Variants in FAR1 observed in about 807,000 individuals in gnomAD.
FAR1 encodes the protein male sterility domain-containing protein 2.
In FAR1, 22 loss-of-function variants were observed where a neutral mutation model predicts 61.1. The observed-to-expected ratio is 0.36, with a 90% confidence interval of 0.26 to 0.51. The LOEUF (loss-of-function observed/expected upper bound fraction) is 0.51, where lower values mean the gene tolerates loss of function less well. FAR1 is among the 20% of genes least tolerant of loss of function. The probability of loss-of-function intolerance (pLI) is 0.95; values close to 1 mark genes in which losing one functional copy is unlikely to be tolerated. For missense variants in FAR1, 359 were observed against 626.9 expected, an observed-to-expected ratio of 0.57 and a Z score of 4.56; for synonymous variants, 206 against 209.7, an observed-to-expected ratio of 0.98 and a Z score of 0.15.
chr11:13,723,256 T>C (rs562096095), intron 10 of FAR1: 85 of 313,800 alleles, frequency 2.7e-4, no homozygotes, highest in African/African-American at 1.8e-3. Context: ...TCCTAGCTAC[T>C]CAGGAGGCTG....
chr11:13,715,095 G>GT (rs1848540938), intron 9 of FAR1, among the ~76,000 whole-genome samples: 1 of 152,134 alleles, frequency 6.6e-6, no homozygotes, highest in Non-Finnish European at 1.5e-5. Flanking sequence ...CAGCCATAGA[G>GT]TATCTGCATT....
At chr11:13,671,529 T>C (rs1251647898) in intron 1 of FAR1, among the ~76,000 whole-genome samples, 2 of 152,180 alleles carry the variant, frequency 1.3e-5, no homozygotes, top group Non-Finnish European at 2.9e-5. Context: ...AGTAAGGTTA[T>C]TGAGAGGTAG....
intron 3 of FAR1, among the ~76,000 whole-genome samples, chr11:13,702,508 CTATT>C (rs1254424690): frequency 2.6e-5 from 4 of 152,038 alleles, no homozygotes; most frequent in Non-Finnish European, 4.4e-5. Flanking sequence ...ATAGGTCTAA[CTATT>C]TGTTTTTAAC....
rs1212370977 is a variant in FAR1, at chr11:13,700,187, G to A, written c.190-130G>A. The A allele has an allele frequency of 4.2e-5, 27 of 643,296 alleles. No individual in the cohort carries two copies. In the East Asian group the frequency reaches 8.4e-4, roughly 20 times the overall value. 39.8% of individuals were successfully genotyped at this position (643,296 alleles called of 1,614,324 possible). ...TACAGAATAATGGCAATTAAGAATA[G>A]CAACTTTAGGAATTGTATAGTTTAA... On this transcript the variant is annotated intron_variant, in intron 2 of 11. Coordinates refer to ENST00000354817, the MANE Select transcript of FAR1 (RefSeq NM_032228.6).
At chr11:13,722,538 A>G (rs1409258236) in intron 10 of FAR1, among the ~76,000 whole-genome samples, 2 of 152,100 alleles carry the variant, frequency 1.3e-5, no homozygotes, top group East Asian at 1.9e-4. Flanking sequence ...CAATGGCACA[A>G]TCTTGGCTCA....
chr11:13,713,129 C>T (rs1457655766), intron 8 of FAR1, 96 bp downstream of exon 8: 3 of 1,009,752 alleles, frequency 3.0e-6, no homozygotes, highest in Non-Finnish European at 4.7e-6. Flanking sequence ...GGCATTAAGG[C>T]CACTGAGTTA....
At chr11:13,710,967 A>G (rs1848492223) in intron 5 of FAR1, 97 bp downstream of exon 5, 1 of 1,072,392 alleles carries the variant, frequency 9.3e-7, no homozygotes, top group Non-Finnish European at 1.3e-6. Flanking sequence ...AACAGGTATT[A>G]TTTACTAAAG....
rs567577679 is a variant in FAR1, at chr11:13,674,329, A to G, written c.-8+5523A>G. On this transcript the variant is annotated intron_variant, in intron 1 of 11. Coordinates refer to ENST00000354817, the MANE Select transcript of FAR1 (RefSeq NM_032228.6). ...GTCTCAAAAAAAAAAAAAAAAGAAAAAAAGAAAATTCAAATTGAACTGTGA... is the reference window on the plus strand; with the variant it reads ...GTCTCAAAAAAAAAAAAAAAAGAAAGAAAGAAAATTCAAATTGAACTGTGA... 3.9e-5 allele frequency among the ~76,000 whole-genome samples: 6 copies of G among 152,162 alleles called. No homozygotes were observed. The East Asian group carries it at 1.2e-3, about 29-fold the overall frequency.
At position 13,721,659 on chromosome 11, in the gene FAR1, A is replaced by T; in HGVS notation, c.1128-71A>T. 1 of 1,333,978 alleles carries T rather than the reference A, an allele frequency of 7.5e-7. No individual in the cohort carries two copies. The highest frequency in any genetic ancestry group is 1.0e-6 in the Non-Finnish European group (1 of 959,074). The allele number at this position is 1,333,978 out of a possible 1,614,324, so 82.6% of individuals were successfully genotyped here. A position where few individuals can be genotyped will look rare whatever the true frequency, so the allele number is the denominator to read the frequency against. ...GTCTATATTATAGGGGGAAACTTGC[A>T]CCCTGGGTGGTGATAGGATTTTTCC... On this transcript the variant is annotated intron_variant, in intron 9 of 11. Coordinates refer to ENST00000354817, the MANE Select transcript of FAR1 (RefSeq NM_032228.6). This position sits in a 1 kb window ranked among gnomAD's most constrained non-coding sequence, Gnocchi z 4.2.
At chr11:13,716,300 T>TA (rs1242314009) in intron 9 of FAR1, among the ~76,000 whole-genome samples, 2 of 152,228 alleles carry the variant, frequency 1.3e-5, no homozygotes. Context: ...GCTGGTTTAC[T>TA]AAATGCTTCA....
At chr11:13,726,669 T>A (rs987122826) in intron 10 of FAR1, among the ~76,000 whole-genome samples, 2 of 151,662 alleles carry the variant, frequency 1.3e-5, no homozygotes, top group Non-Finnish European at 2.9e-5. Context: ...ATTGGTGACT[T>A]GGTTTCTTAT....
At position 13,728,929 on chromosome 11, in the gene FAR1, T is replaced by C; in HGVS notation, c.*155T>C. 1 of 671,246 alleles carries C rather than the reference T, an allele frequency of 1.5e-6. No individual in the cohort carries two copies. Among genetic ancestry groups the C allele is most frequent in the Non-Finnish European group, 2.4e-6 (1 of 414,230 alleles). 41.6% of individuals were successfully genotyped at this position (671,246 alleles called of 1,614,324 possible). A position where few individuals can be genotyped will look rare whatever the true frequency, so the allele number is the denominator to read the frequency against. On this transcript the variant is annotated 3_prime_UTR_variant, in exon 12 of 12. Coordinates refer to ENST00000354817, the MANE Select transcript of FAR1 (RefSeq NM_032228.6). Reference sequence around the variant, plus strand: ...TGGTATATTTTATGTAACATTTTAATGTTTATGCTCATAAAACTTAGTGAA... The same window carrying C: ...TGGTATATTTTATGTAACATTTTAACGTTTATGCTCATAAAACTTAGTGAA...
intron 10 of FAR1, among the ~76,000 whole-genome samples, chr11:13,722,222 T>A (rs1848617322): frequency 6.6e-6 from 1 of 152,162 alleles, no homozygotes. Flanking sequence ...TTTTATAAAC[T>A]CTTTTACTTT....
intron 1 of FAR1, among the ~76,000 whole-genome samples, chr11:13,679,146 A>G (rs1399240032): frequency 1.3e-5 from 2 of 152,194 alleles, no homozygotes; most frequent in African/African-American, 4.8e-5. Flanking sequence ...ATTCTGTTAT[A>G]AAAGTTTGAA....
At chr11:13,668,848 C>G (rs1180053070) in intron 1 of FAR1, 42 bp downstream of exon 1, 1 of 153,140 alleles carries the variant, frequency 6.5e-6, no homozygotes, top group Non-Finnish European at 1.5e-5. Context: ...GGGCTGCGGG[C>G]TCCTCCTCGC....
At position 13,708,453 on chromosome 11, in the gene FAR1, A is replaced by G. The variant is rs531287182; in HGVS notation, c.545+374A>G. Among the ~76,000 whole-genome samples, 1,273 of 143,590 alleles carry G rather than the reference A, an allele frequency of 8.9e-3. 8 individuals carry two copies. The highest frequency in any genetic ancestry group is 0.015 in the Middle Eastern group (4 of 274). 94.2% of individuals were successfully genotyped at this position (143,590 alleles called of 152,430 possible). On this transcript the variant is annotated intron_variant, in intron 4 of 11. Transcript: ENST00000354817. The stretch of plus-strand genomic sequence containing the variant: ...TACATGTGCGCGCGCGCGCGCACAC[A>G]CACACACACACACACACACACACAT...
chr11:13,689,778 C>T (rs1230090307), intron 1 of FAR1, among the ~76,000 whole-genome samples: 2 of 152,034 alleles, frequency 1.3e-5, no homozygotes, highest in Non-Finnish European at 2.9e-5. Flanking sequence ...TTATTGTGCA[C>T]CCTTATTCTG....
At chr11:13,700,137 C>A (rs547679003) in intron 2 of FAR1, among the ~76,000 whole-genome samples, 180 bp from the exon 3 acceptor site, 1 of 151,948 alleles carries the variant, frequency 6.6e-6, no homozygotes, top group African/African-American at 2.4e-5. Flanking sequence ...AGGATAATAG[C>A]GTGGGCCTCA....
chr11:13,670,304 T>C (rs1847983649), intron 1 of FAR1, among the ~76,000 whole-genome samples: 1 of 152,108 alleles, frequency 6.6e-6, no homozygotes, highest in African/African-American at 2.4e-5. Context: ...TTTATAAATT[T>C]GTGTGTGTGT....
Sources: gnomAD v4.1 joint callset for allele counts (sites outside exome capture counted in the v4.1 genomes callset) on GRCh38, gnomAD v4.1.1 for gene constraint, Gnocchi (gnomAD v3.1) non-coding constraint, MANE v1.5 for transcripts, NCBI Gene and HGNC (gene_info 2026-07-23, HGNC 2026-07-21) for gene names.